WWOX: variants seen among roughly 807,000 people sequenced by gnomAD.
WWOX encodes WW domain containing oxidoreductase, also known as WW domain-containing oxidoreductase.
In WWOX, 69 loss-of-function variants were observed where a neutral mutation model predicts 46.2. The observed-to-expected ratio is 1.49, with a 90% confidence interval of 1.23 to 1.82. WWOX has a LOEUF of 1.82. Ranked by LOEUF, WWOX falls within the 40% of genes most tolerant of loss-of-function variation. The probability of loss-of-function intolerance (pLI) is 0.00; values close to 1 mark genes in which losing one functional copy is unlikely to be tolerated. For missense variants in WWOX, 919 were observed against 542.6 expected, an observed-to-expected ratio of 1.69 and a Z score of -6.89; for synonymous variants, 359 against 202.6, an observed-to-expected ratio of 1.77 and a Z score of -6.56.
intron 8 of WWOX, among the ~76,000 whole-genome samples, chr16:78,475,551 C>A (rs778789549): frequency 5.9e-5 from 9 of 152,134 alleles, no homozygotes; most frequent in Non-Finnish European, 1.0e-4. Context: ...CCATGACTTT[C>A]ATCTTGATGG....
intron 5 of WWOX, among the ~76,000 whole-genome samples, chr16:78,317,289 CTCTCTG>C (rs1212952068): frequency 1.3e-5 from 2 of 152,132 alleles, no homozygotes; most frequent in Non-Finnish European, 2.9e-5. Flanking sequence ...CTGTCTGTCT[CTCTCTG>C]TCTCTGTTTC....
chr16:78,314,275 G>T (rs936954742), intron 5 of WWOX, among the ~76,000 whole-genome samples: 15 of 151,500 alleles, frequency 9.9e-5, no homozygotes, highest in African/African-American at 3.4e-4. Flanking sequence ...AGGCATGGTG[G>T]TGGGCCTGTA....
At chr16:78,764,743 A>T (rs1437920093) in intron 8 of WWOX, among the ~76,000 whole-genome samples, 2 of 151,436 alleles carry the variant, frequency 1.3e-5, no homozygotes, top group Non-Finnish European at 2.9e-5. Context: ...GGCTGTGAGG[A>T]TTCAATGAGG....
intron 1 of WWOX, among the ~76,000 whole-genome samples, chr16:78,103,572 A>G (rs1327668506): frequency 1.3e-5 from 2 of 151,980 alleles, no homozygotes; most frequent in African/African-American, 4.8e-5. Flanking sequence ...CTAACCCGAC[A>G]TTCCCTTGAT....
intron 8 of WWOX, among the ~76,000 whole-genome samples, chr16:78,712,166 A>T (rs1166151810): frequency 6.6e-6 from 1 of 152,100 alleles, no homozygotes; most frequent in Non-Finnish European, 1.5e-5. Context: ...TCGAAATGTT[A>T]TGTGGGATAG....
intron 8 of WWOX, among the ~76,000 whole-genome samples, chr16:79,083,743 A>G (rs767973008): frequency 1.3e-5 from 2 of 152,192 alleles, no homozygotes; most frequent in Admixed American, 6.5e-5. Context: ...AGTTTTCACT[A>G]AGGCACAAAG....
intron 6 of WWOX, among the ~76,000 whole-genome samples, chr16:78,420,426 A>G (rs1397133135): frequency 6.6e-6 from 1 of 152,182 alleles, no homozygotes; most frequent in Admixed American, 6.5e-5. Flanking sequence ...ATGGAATATT[A>G]TTTGCCCATT....
At chr16:78,206,646 A>C (rs1333329809) in intron 5 of WWOX, among the ~76,000 whole-genome samples, 3 of 152,170 alleles carry the variant, frequency 2.0e-5, no homozygotes, top group Non-Finnish European at 4.4e-5. Flanking sequence ...CTTGGTGAAT[A>C]CTTTTGTAGA....
chr16:78,124,117 A>G (rs1420656468), intron 4 of WWOX: 2 of 152,148 alleles, frequency 1.3e-5, no homozygotes, highest in East Asian at 3.9e-4. Flanking sequence ...CTTATTTTCA[A>G]ATTTTTAAAT....
chr16:78,372,149 G>C (rs534224684), intron 5 of WWOX, among the ~76,000 whole-genome samples: 1 of 152,300 alleles, frequency 6.6e-6, no homozygotes, highest in Non-Finnish European at 1.5e-5. Context: ...TGAACAGCTG[G>C]TAGTCTCCAT....
chr16:78,867,051 A>G, intron 8 of WWOX, among the ~76,000 whole-genome samples: 1 of 152,168 alleles, frequency 6.6e-6, no homozygotes, highest in Admixed American at 6.5e-5. Context: ...GTGGAAGGAG[A>G]AGGCTTGAGG....
At chr16:78,932,932 C>A (rs778474566) in intron 8 of WWOX, among the ~76,000 whole-genome samples, 7 of 152,184 alleles carry the variant, frequency 4.6e-5, no homozygotes, top group South Asian at 2.1e-4. Context: ...CCAGGTTGAA[C>A]CTTGCTGCCT....
chr16:78,819,414 C>T (rs557161218), intron 8 of WWOX, among the ~76,000 whole-genome samples: 2 of 152,336 alleles, frequency 1.3e-5, no homozygotes, highest in Middle Eastern at 6.8e-3. Context: ...ATGGCAACAC[C>T]TAGAAGTTAC....
chr16:78,561,659 A>G (rs540998392), intron 8 of WWOX, among the ~76,000 whole-genome samples: 12 of 152,290 alleles, frequency 7.9e-5, no homozygotes, highest in African/African-American at 2.6e-4. Context: ...AGTTTAATAT[A>G]AAAGAAAGGG....
At chr16:78,845,924 A>C (rs555209486) in intron 8 of WWOX, among the ~76,000 whole-genome samples, 1 of 152,280 alleles carries the variant, frequency 6.6e-6, no homozygotes, top group Admixed American at 6.5e-5. Context: ...GTTTATGCCT[A>C]ATTGTGCCAC....
At chr16:79,029,081 C>T (rs767263000) in intron 8 of WWOX, among the ~76,000 whole-genome samples, 3 of 148,958 alleles carry the variant, frequency 2.0e-5, no homozygotes, top group Admixed American at 6.6e-5. Context: ...CTCAATGGTC[C>T]ATTTGGGCAA....
chr16:78,720,715 A>G (rs932273813), intron 8 of WWOX, among the ~76,000 whole-genome samples: 2 of 152,038 alleles, frequency 1.3e-5, no homozygotes, highest in African/African-American at 4.8e-5. Flanking sequence ...CGTGGTTTAC[A>G]CTATAAATTT....
Position 78,417,470 on chromosome 16 carries a change from C to CA in WWOX, c.606-7395dup, listed in dbSNP as rs534940494. ...ATATGTCACGTAGGGTTCTTAAATACAAAAAGCTCTTAAAAAGTGCCTAAC... is the reference window on the plus strand; with the variant it reads ...ATATGTCACGTAGGGTTCTTAAATACAAAAAAGCTCTTAAAAAGTGCCTAAC... On this transcript the variant is annotated intron_variant, in intron 6 of 8. Coordinates refer to ENST00000566780, the MANE Select transcript of WWOX (RefSeq NM_016373.4). Among the ~76,000 whole-genome samples, 1,153 of 151,890 alleles carry CA rather than the reference C, an allele frequency of 7.6e-3. 11 individuals carry two copies. Among genetic ancestry groups the CA allele is most frequent in the Non-Finnish European group, 7.8e-3 (530 of 67,910 alleles).
chr16:78,171,457 T>C (rs1567610995), intron 5 of WWOX, among the ~76,000 whole-genome samples: 1 of 152,144 alleles, frequency 6.6e-6, no homozygotes, highest in Non-Finnish European at 1.5e-5. Flanking sequence ...TGGCCTTCTT[T>C]TATGATATAT....
Sources: gnomAD v4.1 joint callset for allele counts (sites outside exome capture counted in the v4.1 genomes callset) on GRCh38, gnomAD v4.1.1 for gene constraint, MANE v1.5 for transcripts, NCBI Gene and HGNC (gene_info 2026-07-23, HGNC 2026-07-21) for gene names.